The following EDIL3 variants were observed in gnomAD, a reference collection of about 807,000 sequenced individuals.
The protein encoded by EDIL3 is EGF-like repeat and discoidin I-like domain-containing protein 3.
A neutral mutation model predicts 67.4 loss-of-function variants in EDIL3; 37 were observed. That is an observed-to-expected ratio of 0.55 (90% CI 0.42 to 0.72). The LOEUF (loss-of-function observed/expected upper bound fraction) is 0.72. Ranked by LOEUF, EDIL3 falls within the 30% of genes least tolerant of loss-of-function variation. The pLI is 0.00. For missense variants in EDIL3, 527 were observed against 586.3 expected, an observed-to-expected ratio of 0.90 and a Z score of 1.04; for synonymous variants, 195 against 196.3, an observed-to-expected ratio of 0.99 and a Z score of 0.05.
intron 1 of EDIL3, among the ~76,000 whole-genome samples, chr5:84,312,847 T>C (rs1401045585): frequency 6.6e-6 from 1 of 152,228 alleles, no homozygotes; most frequent in Non-Finnish European, 1.5e-5. Context: ...TCTTTCCTCA[T>C]CAAATAAATG....
At chr5:84,282,468 T>C (rs925637946) in intron 1 of EDIL3, among the ~76,000 whole-genome samples, 17 of 152,220 alleles carry the variant, frequency 1.1e-4, no homozygotes, top group Non-Finnish European at 1.8e-4. Flanking sequence ...AGTTGCTTTA[T>C]AGCATTTTAT....
Position 84,350,517 on chromosome 5 carries a change from T to C in EDIL3, c.67+33791A>G, listed in dbSNP as rs576578499. Reference sequence around the variant, plus strand: ...TACTTAAACTTCTAAATCTTGCATATAGTTCAACCATAGGCCAATCATTTA... The same window carrying C: ...TACTTAAACTTCTAAATCTTGCATACAGTTCAACCATAGGCCAATCATTTA... On this transcript the variant is annotated intron_variant, in intron 1 of 10. Coordinates refer to ENST00000296591, the MANE Select transcript of EDIL3 (RefSeq NM_005711.5). 6.6e-5 allele frequency among the ~76,000 whole-genome samples: 10 copies of C among 152,158 alleles called. No homozygotes were observed. The South Asian group carries it at 2.1e-3, about 31-fold the overall frequency.
At chr5:84,366,902 T>G (rs1250668669) in intron 1 of EDIL3, among the ~76,000 whole-genome samples, 3 of 152,192 alleles carry the variant, frequency 2.0e-5, no homozygotes, top group African/African-American at 7.2e-5. Context: ...AACATGTCAT[T>G]TATGAAAATA....
intron 3 of EDIL3, among the ~76,000 whole-genome samples, chr5:84,184,595 G>C (rs1400700192): frequency 6.6e-6 from 1 of 152,130 alleles, no homozygotes; most frequent in East Asian, 1.9e-4. Flanking sequence ...CAAGGGGAAA[G>C]GGCTATACTA....
chr5:84,283,433 C>A (rs1044300120), intron 1 of EDIL3, among the ~76,000 whole-genome samples: 3 of 152,120 alleles, frequency 2.0e-5, no homozygotes, highest in African/African-American at 7.2e-5. Context: ...TCTGGATTTG[C>A]TGAGGTATCT....
intron 5 of EDIL3, among the ~76,000 whole-genome samples, chr5:84,118,328 A>G (rs1747710482): frequency 6.6e-6 from 1 of 152,172 alleles, no homozygotes; most frequent in African/African-American, 2.4e-5. Context: ...CTACATAGAT[A>G]AAAGATAAAA....
chr5:83,966,859 G>A (rs1400055232), intron 9 of EDIL3, among the ~76,000 whole-genome samples: 1 of 151,980 alleles, frequency 6.6e-6, no homozygotes, highest in Non-Finnish European at 1.5e-5. Flanking sequence ...AGAAGGAAAT[G>A]GATACAGAGA....
At chr5:84,137,464 T>C in intron 4 of EDIL3, 110 bp from the exon 5 acceptor site, 1 of 919,458 alleles carries the variant, frequency 1.1e-6, no homozygotes, top group Non-Finnish European at 1.7e-6. Flanking sequence ...TATTCCTTTG[T>C]GTGTGTGTAG....
chr5:84,060,583 C>T (rs1746524328), intron 8 of EDIL3, 99 bp from the exon 9 acceptor site: 9 of 1,238,776 alleles, frequency 7.3e-6, no homozygotes, highest in Non-Finnish European at 1.0e-5. Flanking sequence ...AAACATAATG[C>T]TATTCATTCC....
intron 9 of EDIL3, among the ~76,000 whole-genome samples, chr5:84,050,913 T>C (rs557657153): frequency 1.1e-3 from 175 of 152,278 alleles, no homozygotes; most frequent in African/African-American, 3.9e-3. Flanking sequence ...CAAAAGGCAG[T>C]AGAAACCTCT....
intron 9 of EDIL3, among the ~76,000 whole-genome samples, chr5:84,031,231 T>TG (rs777380571): frequency 6.6e-6 from 1 of 152,190 alleles, no homozygotes; most frequent in African/African-American, 2.4e-5. Context: ...ATATAAATTT[T>TG]GGGGCGACAC....
At chr5:84,002,016 C>A (rs1745339952) in intron 9 of EDIL3, among the ~76,000 whole-genome samples, 2 of 151,880 alleles carry the variant, frequency 1.3e-5, no homozygotes, top group South Asian at 4.2e-4. Context: ...CTCTGGTGAA[C>A]TGATACAAAA....
chr5:84,148,130 A>G (rs1262724682), intron 4 of EDIL3, among the ~76,000 whole-genome samples: 1 of 152,148 alleles, frequency 6.6e-6, no homozygotes, highest in Admixed American at 6.6e-5. Flanking sequence ...TAAACTTTAA[A>G]GACTGCAAAT....
Position 84,106,874 on chromosome 5 carries a change from T to C in EDIL3, c.470-44A>G, listed in dbSNP as rs773131033. The C allele has an allele frequency of 3.6e-5, 56 of 1,549,122 alleles. No individual in the cohort carries two copies. The South Asian group carries it at 6.7e-4, about 19-fold the overall frequency. On this transcript the variant is annotated intron_variant, in intron 5 of 10. Transcript: ENST00000296591. ...AAAAATATGAATGTATTAGAAACAA[T>C]GCATATACAACATGTGTCTGTTCGA...
At chr5:84,076,853 T>C (rs532927792) in intron 6 of EDIL3, among the ~76,000 whole-genome samples, 3 of 152,116 alleles carry the variant, frequency 2.0e-5, no homozygotes, top group East Asian at 3.9e-4. Flanking sequence ...GAAGTAAACA[T>C]GATACAAAAA....
Position 84,221,789 on chromosome 5 carries a change from C to T in EDIL3, c.226+8066G>A, listed in dbSNP as rs371588884. ...GTATATTTATGAACAAGAATATACT[C>T]GATAAAACAATTAGTAAAGTTGCTC... On this transcript the variant is annotated intron_variant, in intron 3 of 10. Transcript: ENST00000296591. 2.6e-5 allele frequency among the ~76,000 whole-genome samples: 4 copies of T among 151,522 alleles called. No homozygotes were observed. The East Asian group carries it at 5.8e-4, about 22-fold the overall frequency.
chr5:84,136,308 G>A (rs1412947978), intron 5 of EDIL3, among the ~76,000 whole-genome samples: 1 of 152,162 alleles, frequency 6.6e-6, no homozygotes. Context: ...TAATGTTGTT[G>A]TGGTGCTCAG....
chr5:84,208,387 G>A (rs1371986804), intron 3 of EDIL3, among the ~76,000 whole-genome samples: 3 of 152,084 alleles, frequency 2.0e-5, no homozygotes, highest in Non-Finnish European at 2.9e-5. Flanking sequence ...TCATTAAAAA[G>A]TCAGGAAACA....
chr5:84,271,351 T>A (rs1745469328), intron 1 of EDIL3, among the ~76,000 whole-genome samples: 1 of 151,366 alleles, frequency 6.6e-6, no homozygotes, highest in Non-Finnish European at 1.5e-5. Flanking sequence ...GAGGCAGAGT[T>A]TGCAGTGAGC....
Sources: gnomAD v4.1 joint callset for allele counts (sites outside exome capture counted in the v4.1 genomes callset) on GRCh38, gnomAD v4.1.1 for gene constraint, MANE v1.5 for transcripts, NCBI Gene and HGNC (gene_info 2026-07-23, HGNC 2026-07-21) for gene names.